NTM: variants seen among roughly 807,000 people sequenced by gnomAD.
NTM encodes neurotrimin.
In NTM, 13 loss-of-function variants were observed where a neutral mutation model predicts 42.1. The ratio of observed to expected loss-of-function variants is 0.31; its 90% confidence interval spans 0.20 to 0.49. The LOEUF is 0.49. NTM is among the 20% of genes least tolerant of loss of function. The probability of loss-of-function intolerance (pLI) is 0.99; values close to 1 mark genes in which losing one functional copy is unlikely to be tolerated. For missense variants in NTM, 373 were observed against 452.8 expected (o/e 0.82, Z 1.60); for synonymous variants, 187 against 179.2 (o/e 1.04, Z -0.35).
At chr11:132,270,087 C>T (rs1473182772) in intron 4 of NTM, among the ~76,000 whole-genome samples, 1 of 152,180 alleles carries the variant, frequency 6.6e-6, no homozygotes, top group Non-Finnish European at 1.5e-5. Flanking sequence ...GCCTCTATAA[C>T]TACGGATAGC....
intron 1 of NTM, among the ~76,000 whole-genome samples, chr11:131,511,895 A>G (rs1405219858): frequency 6.6e-6 from 1 of 152,156 alleles, no homozygotes; most frequent in Non-Finnish European, 1.5e-5. Flanking sequence ...AAAATATGAA[A>G]GCGGAAGAGC....
At chr11:131,451,481 G>A (rs1950485696) in intron 1 of NTM, among the ~76,000 whole-genome samples, 1 of 152,196 alleles carries the variant, frequency 6.6e-6, no homozygotes, top group Non-Finnish European at 1.5e-5. Flanking sequence ...TTGTGGAAGA[G>A]CGAGACTGGG....
At chr11:132,275,735 CGTATATATATATGTGTATATATATATAT>C (rs981866453) in intron 4 of NTM, among the ~76,000 whole-genome samples, 17 of 39,066 alleles carry the variant, frequency 4.4e-4, no homozygotes, top group Non-Finnish European at 8.1e-4. Context: ...CGTATATATA[CGTATATATATATGTGTATATATATATAT>C]ATGTTATATA....
intron 1 of NTM, among the ~76,000 whole-genome samples, chr11:131,510,686 G>A (rs1275700903): frequency 6.6e-6 from 1 of 152,084 alleles, no homozygotes; most frequent in African/African-American, 2.4e-5. Flanking sequence ...AAAAGTCCTG[G>A]GGGCCTTTGT....
At chr11:131,755,952 C>T (rs1464628851) in intron 1 of NTM, among the ~76,000 whole-genome samples, 1 of 152,232 alleles carries the variant, frequency 6.6e-6, no homozygotes, top group African/African-American at 2.4e-5. Flanking sequence ...TGTCTCCTTT[C>T]CCACTGCTTC....
chr11:132,219,866 A>G (rs2084777596), intron 4 of NTM, among the ~76,000 whole-genome samples: 1 of 152,172 alleles, frequency 6.6e-6, no homozygotes, highest in Non-Finnish European at 1.5e-5. Flanking sequence ...AAGGAAACTC[A>G]AGTTATTTTT....
chr11:132,225,108 G>T (rs753974118), intron 4 of NTM, among the ~76,000 whole-genome samples: 1 of 152,184 alleles, frequency 6.6e-6, no homozygotes, highest in Non-Finnish European at 1.5e-5. Context: ...GCAGATATAT[G>T]ATAAATAGGC....
At chr11:131,969,580 T>C (rs543655012) in intron 2 of NTM, among the ~76,000 whole-genome samples, 2 of 152,278 alleles carry the variant, frequency 1.3e-5, no homozygotes, top group Non-Finnish European at 2.9e-5. Context: ...ATTAGCCACA[T>C]AATAGATGTT....
intron 2 of NTM, among the ~76,000 whole-genome samples, chr11:132,018,135 C>G (rs1593769497): frequency 6.6e-6 from 1 of 151,684 alleles, no homozygotes; most frequent in Admixed American, 6.6e-5. Flanking sequence ...CTCTGTCTCT[C>G]TTTTCCTCCC....
At chr11:131,523,825 A>G (rs2136593521) in intron 1 of NTM, among the ~76,000 whole-genome samples, 1 of 150,858 alleles carries the variant, frequency 6.6e-6, no homozygotes, top group South Asian at 2.1e-4. Context: ...GAAGAAAAGG[A>G]AGGAAGAAGA....
chr11:131,812,888 A>G (rs889375890), intron 1 of NTM, among the ~76,000 whole-genome samples: 3 of 152,168 alleles, frequency 2.0e-5, no homozygotes, highest in African/African-American at 7.2e-5. Context: ...GGAGCATGTG[A>G]GGAGGGACAG....
chr11:132,044,487 C>T (rs1418064880), intron 2 of NTM, among the ~76,000 whole-genome samples: 1 of 152,056 alleles, frequency 6.6e-6, no homozygotes, highest in African/African-American at 2.4e-5. Context: ...AGGAGGACCC[C>T]TCTTCTGAAT....
At chr11:131,987,485 G>A (rs757686413) in intron 2 of NTM, among the ~76,000 whole-genome samples, 17 of 151,650 alleles carry the variant, frequency 1.1e-4, no homozygotes, top group Non-Finnish European at 2.2e-4. Flanking sequence ...GACCCATTAA[G>A]CTGTTTCTGC....
At chr11:132,207,856 A>G (rs1434938827) in intron 3 of NTM, among the ~76,000 whole-genome samples, 1 of 152,196 alleles carries the variant, frequency 6.6e-6, no homozygotes, top group African/African-American at 2.4e-5. Flanking sequence ...GCTTAGATGT[A>G]TATCCTCTGT....
intron 4 of NTM, among the ~76,000 whole-genome samples, chr11:132,281,161 G>A (rs2093959714): frequency 6.6e-6 from 1 of 152,168 alleles, no homozygotes; most frequent in African/African-American, 2.4e-5. Flanking sequence ...CAGCTTTAAA[G>A]GAATGACCTT....
chr11:131,952,406 T>C (rs1294825232), intron 2 of NTM, among the ~76,000 whole-genome samples: 1 of 152,256 alleles, frequency 6.6e-6, no homozygotes, highest in Non-Finnish European at 1.5e-5. Flanking sequence ...TGCACACATA[T>C]ATGTACATGC....
chr11:132,155,339 G>A (rs1448933682), intron 3 of NTM, among the ~76,000 whole-genome samples: 1 of 152,188 alleles, frequency 6.6e-6, no homozygotes, highest in East Asian at 1.9e-4. Flanking sequence ...AAGCAGAAGA[G>A]CACCCCTCAT....
At chr11:132,312,374 G>A (rs1037259888) in intron 6 of NTM, 2 of 152,224 alleles carry the variant, frequency 1.3e-5, no homozygotes, top group Non-Finnish European at 2.9e-5. Flanking sequence ...GCACGCTATT[G>A]TATGTGTTAT....
intron 2 of NTM, among the ~76,000 whole-genome samples, chr11:132,031,081 A>G (rs919367498): frequency 4.6e-5 from 7 of 152,146 alleles, no homozygotes; most frequent in Admixed American, 1.3e-4. Flanking sequence ...CTGTCTACAA[A>G]CATCGTGCAG....
Sources: gnomAD v4.1 joint callset for allele counts (sites outside exome capture counted in the v4.1 genomes callset) on GRCh38, gnomAD v4.1.1 for gene constraint, MANE v1.5 for transcripts, NCBI Gene and HGNC (gene_info 2026-07-23, HGNC 2026-07-21) for gene names.